Variants in FZD2 observed in about 807,000 individuals in gnomAD.
The protein encoded by FZD2 is frizzled-2.
Under a neutral mutation model 36.7 loss-of-function variants are expected in FZD2, and 17 were observed. The observed-to-expected ratio is 0.46, with a 90% CI of 0.32 to 0.70. The LOEUF is 0.70. Ranked by LOEUF, FZD2 falls within the 30% of genes least tolerant of loss-of-function variation. The pLI is 0.04. For missense variants in FZD2, 525 were observed against 805.6 expected (o/e 0.65, Z 4.22); for synonymous variants, 333 against 359.6 (o/e 0.93, Z 0.84).
At position 44,559,689 on chromosome 17, in the gene FZD2, G is replaced by C. The variant is rs1568105858; in HGVS notation, c.*303G>C. On this transcript the variant is annotated 3_prime_UTR_variant, in exon 1 of 1. Transcript: ENST00000315323. The surrounding 1 kb of genome is among the most constrained non-coding windows in gnomAD (Gnocchi z 4.4). ...TGTGTGTTGGGGAGTGTAGTTGGGG[G>C]GAGGGTTCTCTTTCTTAAGTGCCCT... The C allele has an allele frequency of 5.8e-6, 1 of 173,290 alleles. No individual in the cohort carries two copies. The highest frequency in any genetic ancestry group is 1.2e-5 in the Non-Finnish European group (1 of 83,352). The allele number at this position is 173,290 out of a possible 1,614,324, so 10.7% of individuals were successfully genotyped here.
chr17:44,557,698 C>T lies in FZD2; in HGVS notation c.10C>T (p.Arg4Cys). 1 of 1,462,824 alleles carries T rather than the reference C, an allele frequency of 6.8e-7. No homozygotes were observed. The highest frequency in any genetic ancestry group is 9.0e-7 in the Non-Finnish European group (1 of 1,109,656). 90.6% of individuals were successfully genotyped at this position (1,462,824 alleles called of 1,614,324 possible). Reference protein sequence around the residue: MRPRSALPRLLLPL... With the variant: MRPCSALPRLLLPL... ...GGGGGCGGCGGCCAGCATGCGGCCC[C>T]GCAGCGCCCTGCCCCGCCTGCTGCT... The change falls in exon 1 of 1, where the codon CGC (arginine) becomes TGC (cysteine). Residue 4 changes from arginine to cysteine, a missense_variant. Transcript: ENST00000315323. This position sits in a 1 kb window ranked among gnomAD's most constrained non-coding sequence, Gnocchi z 4.9.
In FZD2 at chr17:44,559,214, A is replaced by C. The variant is rs1970861082; in HGVS notation, c.1526A>C (p.His509Pro). 6.2e-7 allele frequency: 1 copy of C among 1,613,890 alleles called. No individual in the cohort carries two copies. The highest frequency in any genetic ancestry group is 1.7e-5 in the Admixed American group (1 of 60,012). The change falls in exon 1 of 1, where the codon CAC becomes CCC. Residue 509 changes from histidine to proline, a missense_variant. Physicochemically the swap from His to Pro is moderately conservative, Grantham distance 77. Around this residue, in one of 5 missense-constraint regions of FZD2, gnomAD observed 189 missense variants for 298.1 expected, o/e 0.63. Coordinates refer to ENST00000315323, the MANE Select transcript of FZD2 (RefSeq NM_001466.4). The surrounding 1 kb of genome is among the most constrained non-coding windows in gnomAD (Gnocchi z 4.4). Reference sequence around the variant, plus strand: ...AGCCTGGCCATCCCGTGCCCGGCGCACTACACGCCGCGCATGTCGCCCGAC... The same window carrying C: ...AGCCTGGCCATCCCGTGCCCGGCGCCCTACACGCCGCGCATGTCGCCCGAC... ...CKSLAIPCPA[H>P]YTPRMSPDFT...
Position 44,559,425 on chromosome 17 carries a change from CG to C in FZD2, c.*40del. 1 of 1,521,140 alleles carries C rather than the reference CG, an allele frequency of 6.6e-7. No individual in the cohort carries two copies. The highest frequency in any genetic ancestry group is 8.8e-7 in the Non-Finnish European group (1 of 1,137,282). 94.2% of individuals were successfully genotyped at this position (1,521,140 alleles called of 1,614,324 possible). Reference sequence around the variant, plus strand: ...GCCGGAACCGCGCGGCGCTTTCCTCCGCCCGGGGTGGGGCCCCTACAGACTC... The same window carrying C: ...GCCGGAACCGCGCGGCGCTTTCCTCCCCCGGGGTGGGGCCCCTACAGACTC... On this transcript the variant is annotated 3_prime_UTR_variant, in exon 1 of 1. Coordinates refer to ENST00000315323, the MANE Select transcript of FZD2 (RefSeq NM_001466.4). The surrounding 1 kb of genome is among the most constrained non-coding windows in gnomAD (Gnocchi z 4.4).
Position 44,558,904 on chromosome 17 carries a change from C to T in FZD2, c.1216C>T (p.Leu406Phe), listed in dbSNP as rs1419657640. The T allele has an allele frequency of 1.2e-6, 2 of 1,612,762 alleles. No homozygotes were observed. Among genetic ancestry groups the T allele is most frequent in the South Asian group, 1.1e-5 (1 of 90,980 alleles). ...GCTGAGCGGCGTGTGCTTCGTAGGC[C>T]TCAACAGCCTGGACCCGCTGCGGGG... ...DLLSGVCFVG[L>F]NSLDPLRGFV... The change falls in exon 1 of 1, where the codon CTC (leucine) becomes TTC (phenylalanine). Residue 406 changes from leucine to phenylalanine, a missense_variant. By Grantham distance (22) the Leu-to-Phe change is conservative. Around this residue, in one of 5 missense-constraint regions of FZD2, gnomAD observed 189 missense variants for 298.1 expected, o/e 0.63. Coordinates refer to ENST00000315323, the MANE Select transcript of FZD2 (RefSeq NM_001466.4). The surrounding 1 kb of genome is among the most constrained non-coding windows in gnomAD (Gnocchi z 9.3).
chr17:44,558,046 G>C lies in FZD2; in HGVS notation c.358G>C (p.Gly120Arg). 1 of 1,612,322 alleles carries C rather than the reference G, an allele frequency of 6.2e-7. No homozygotes were observed. Among genetic ancestry groups the C allele is most frequent in the Non-Finnish European group, 8.5e-7 (1 of 1,180,004 alleles). The change falls in exon 1 of 1, where the codon GGC becomes CGC. Residue 120 changes from glycine to arginine, a missense_variant. Physicochemically the swap from Gly to Arg is moderately radical, Grantham distance 125. Around this residue, in one of 5 missense-constraint regions of FZD2, gnomAD observed 257 missense variants for 344.4 expected, o/e 0.75. Coordinates refer to ENST00000315323, the MANE Select transcript of FZD2 (RefSeq NM_001466.4). This position sits in a 1 kb window ranked among gnomAD's most constrained non-coding sequence, Gnocchi z 9.3. ...CRSICERARQ[G>R]CEALMNKFGF... is the part of the protein sequence containing the mutation. ...CTCTATCTGTGAGCGCGCGCGCCAG[G>C]GCTGCGAAGCCCTCATGAACAAGTT...
rs1311511997 is a variant in FZD2 at position 44,558,207 on chromosome 17, G to GCCGGGTGCCGGGGGCACC, written c.527_544dup (p.Ala176_Gly181dup). The GCCGGGTGCCGGGGGCACC allele has an allele frequency of 6.9e-7, 1 of 1,439,270 alleles. No individual in the cohort carries two copies. Among genetic ancestry groups the GCCGGGTGCCGGGGGCACC allele is most frequent in the Non-Finnish European group, 9.1e-7 (1 of 1,101,938 alleles). The allele number at this position is 1,439,270 out of a possible 1,614,324, so 89.2% of individuals were successfully genotyped here. Reference sequence around the variant, plus strand: ...CCACCGCGCCGCCGCCGGGACTGCAGCCGGGTGCCGGGGGCACCCCGGGTG... The same window carrying GCCGGGTGCCGGGGGCACC: ...CCACCGCGCCGCCGCCGGGACTGCAGCCGGGTGCCGGGGGCACCCCGGGTGCCGGGGGCACCCCGGGTG... On this transcript the variant is annotated inframe_insertion, in exon 1 of 1. Coordinates refer to ENST00000315323, the MANE Select transcript of FZD2 (RefSeq NM_001466.4). This position sits in a 1 kb window ranked among gnomAD's most constrained non-coding sequence, Gnocchi z 9.3.
In FZD2 at chr17:44,557,804, G is replaced by A; in HGVS notation, c.116G>A (p.Cys39Tyr). Residue 39 changes from cysteine to tyrosine, a missense_variant, in exon 1 of 1, where the codon TGC (cysteine) becomes TAC (tyrosine). By Grantham distance (194) the Cys-to-Tyr change is radical. This residue lies in a region of FZD2 where 29 missense variants were observed against 82.4 expected (regional missense o/e 0.35). Transcript: ENST00000315323. The surrounding 1 kb of genome is among the most constrained non-coding windows in gnomAD (Gnocchi z 4.9). ...ATCTCCATCCCGGACCACGGCTTCTGCCAGCCCATCTCCATCCCGCTGTGC... is the reference window on the plus strand; with the variant it reads ...ATCTCCATCCCGGACCACGGCTTCTACCAGCCCATCTCCATCCCGCTGTGC... ...KGISIPDHGF[C>Y]QPISIPLCTD... 6.2e-7 allele frequency: 1 copy of A among 1,613,936 alleles called. No homozygotes were observed. The highest frequency in any genetic ancestry group is 8.5e-7 in the Non-Finnish European group (1 of 1,179,972).
rs1267469707 is a variant in FZD2, at chr17:44,560,188, T to C, written c.*802T>C. ...CTTCCAGTGGCCCAAAAATGCTTTT[T>C]GAAGTGTGTTTTGAAACAGCCCCCA... On this transcript the variant is annotated 3_prime_UTR_variant, in exon 1 of 1. Coordinates refer to ENST00000315323, the MANE Select transcript of FZD2 (RefSeq NM_001466.4). 6.6e-6 allele frequency among the ~76,000 whole-genome samples: 1 copy of C among 152,172 alleles called. No homozygotes were observed. Among genetic ancestry groups the C allele is most frequent in the Non-Finnish European group, 1.5e-5 (1 of 68,040 alleles).
At position 44,557,633 on chromosome 17, in the gene FZD2, G is replaced by A; in HGVS notation, c.-56G>A. 3 of 1,090,234 alleles carry A rather than the reference G, an allele frequency of 2.8e-6. No individual in the cohort carries two copies. Among genetic ancestry groups the A allele is most frequent in the South Asian group, 3.4e-5 (1 of 29,448 alleles). The allele number at this position is 1,090,234 out of a possible 1,614,324, so 67.5% of individuals were successfully genotyped here. ...GGCGGGGAAGAAGCGCAGTCTCCGG[G>A]TTGGGGGCGGGGGCGGGGGGGGCGC... On this transcript the variant is annotated 5_prime_UTR_variant, in exon 1 of 1. Transcript: ENST00000315323. The surrounding 1 kb of genome is among the most constrained non-coding windows in gnomAD (Gnocchi z 4.9).
Position 44,557,790 on chromosome 17 carries a change from G to A in FZD2, c.102G>A (p.Pro34=). The A allele has an allele frequency of 4.3e-6, 7 of 1,613,726 alleles. No individual in the cohort carries two copies. Among genetic ancestry groups the A allele is most frequent in the Non-Finnish European group, 5.9e-6 (7 of 1,179,956 alleles). ...QFHGEKGISI[P]DHGFCQPISI... ...ACGGGGAGAAGGGCATCTCCATCCC[G>A]GACCACGGCTTCTGCCAGCCCATCT... Residue 34 remains proline (P), a synonymous_variant, in exon 1 of 1, where the codon CCG becomes CCA. Coordinates refer to ENST00000315323, the MANE Select transcript of FZD2 (RefSeq NM_001466.4). This position sits in a 1 kb window ranked among gnomAD's most constrained non-coding sequence, Gnocchi z 4.9.
At position 44,558,183 on chromosome 17, in the gene FZD2, C is replaced by A. The variant is rs776517733; in HGVS notation, c.495C>A (p.Thr165=). The change falls in exon 1 of 1, where the codon ACC becomes ACA. Residue 165 remains threonine, a synonymous_variant. Transcript: ENST00000315323. This position sits in a 1 kb window ranked among gnomAD's most constrained non-coding sequence, Gnocchi z 9.3. ...AGGACGGAGCTCCCGCGCTACTCAC[C>A]ACCGCGCCGCCGCCGGGACTGCAGC... The part of the protein sequence containing the change: ...HSEDGAPALL[T]TAPPPGLQPG... 1 of 1,509,194 alleles carries A rather than the reference C, an allele frequency of 6.6e-7. No homozygotes were observed. The allele number at this position is 1,509,194 out of a possible 1,614,324, so 93.5% of individuals were successfully genotyped here. A position where few individuals can be genotyped will look rare whatever the true frequency, so the allele number is the denominator to read the frequency against.
chr17:44,559,163 G>T lies in FZD2; in HGVS notation c.1475G>T (p.Arg492Leu). 2 of 1,613,906 alleles carry T rather than the reference G, an allele frequency of 1.2e-6. No individual in the cohort carries two copies. Among genetic ancestry groups the T allele is most frequent in the Non-Finnish European group, 1.7e-6 (2 of 1,180,014 alleles). The change falls in exon 1 of 1, where the codon CGC becomes CTC. Residue 492 changes from arginine (R) to leucine (L), a missense_variant. By Grantham distance (102) the Arg-to-Leu change is moderately radical. Coordinates refer to ENST00000315323, the MANE Select transcript of FZD2 (RefSeq NM_001466.4). This position sits in a 1 kb window ranked among gnomAD's most constrained non-coding sequence, Gnocchi z 4.4. ...CAGGCCTTCCGCGAGCACTGGGAGC[G>T]CTCGTGGGTGAGCCAGCACTGCAAG... ...YEQAFREHWE[R>L]SWVSQHCKSL...
In FZD2 at chr17:44,558,913, C is replaced by T; in HGVS notation, c.1225C>T (p.Leu409=). The change falls in exon 1 of 1, where the codon CTG becomes TTG. Residue 409 remains leucine, a synonymous_variant. Coordinates refer to ENST00000315323, the MANE Select transcript of FZD2 (RefSeq NM_001466.4). This position sits in a 1 kb window ranked among gnomAD's most constrained non-coding sequence, Gnocchi z 9.3. ...CGTGTGCTTCGTAGGCCTCAACAGC[C>T]TGGACCCGCTGCGGGGCTTCGTGCT... ...SGVCFVGLNS[L]DPLRGFVLAP... The T allele has an allele frequency of 6.2e-7, 1 of 1,612,990 alleles. No individual in the cohort carries two copies. The highest frequency in any genetic ancestry group is 8.5e-7 in the Non-Finnish European group (1 of 1,179,706).
In FZD2 at chr17:44,558,885, C is replaced by G. The variant is rs2144573603; in HGVS notation, c.1197C>G (p.Ser399Arg). 1 of 1,612,416 alleles carries G rather than the reference C, an allele frequency of 6.2e-7. No individual in the cohort carries two copies. Among genetic ancestry groups the G allele is most frequent in the Non-Finnish European group, 8.5e-7 (1 of 1,179,396 alleles). ...AMGQIDGDLL[S>R]GVCFVGLNSL... is the part of the protein sequence containing the mutation. Reference sequence around the variant, plus strand: ...GCCAGATCGACGGCGACCTGCTGAGCGGCGTGTGCTTCGTAGGCCTCAACA... The same window carrying G: ...GCCAGATCGACGGCGACCTGCTGAGGGGCGTGTGCTTCGTAGGCCTCAACA... The change falls in exon 1 of 1, where the codon AGC (serine) becomes AGG (arginine). Residue 399 changes from serine (S) to arginine (R), a missense_variant. Physicochemically the swap from Ser to Arg is moderately radical, Grantham distance 110 (BLOSUM62 -1). This residue lies in a region of FZD2 where 189 missense variants were observed against 298.1 expected (regional missense o/e 0.63). Coordinates refer to ENST00000315323, the MANE Select transcript of FZD2 (RefSeq NM_001466.4). The surrounding 1 kb of genome is among the most constrained non-coding windows in gnomAD (Gnocchi z 9.3).
chr17:44,560,972 C>CT lies in FZD2; in HGVS notation c.*1587dup, dbSNP rs1970881962. ...CTCGTTATCTGCCTGCCTCGGCCTC[C>CT]TAAAGTGCTGGGATTACAGGAGTGA... On this transcript the variant is annotated 3_prime_UTR_variant, in exon 1 of 1. Transcript: ENST00000315323. Among the ~76,000 whole-genome samples, 1 of 152,180 alleles carries CT rather than the reference C, an allele frequency of 6.6e-6. No homozygotes were observed. The highest frequency in any genetic ancestry group is 1.5e-5 in the Non-Finnish European group (1 of 68,026).
In FZD2 at chr17:44,560,180, A is replaced by G. The variant is rs1970873333; in HGVS notation, c.*794A>G. Among the ~76,000 whole-genome samples the G allele has an allele frequency of 6.6e-6, 1 of 152,138 alleles. No individual in the cohort carries two copies. Among genetic ancestry groups the G allele is most frequent in the Non-Finnish European group, 1.5e-5 (1 of 68,028 alleles). ...ACCAAGTGCTTCCAGTGGCCCAAAA[A>G]TGCTTTTTGAAGTGTGTTTTGAAAC... On this transcript the variant is annotated 3_prime_UTR_variant, in exon 1 of 1. Coordinates refer to ENST00000315323, the MANE Select transcript of FZD2 (RefSeq NM_001466.4).
In FZD2 at chr17:44,558,039, G is replaced by C. The variant is rs769017965; in HGVS notation, c.351G>C (p.Ala117=). ...CGTGCCGCTCTATCTGTGAGCGCGCGCGCCAGGGCTGCGAAGCCCTCATGA... is the reference window on the plus strand; with the variant it reads ...CGTGCCGCTCTATCTGTGAGCGCGCCCGCCAGGGCTGCGAAGCCCTCATGA... ...IPPCRSICER[A]RQGCEALMNK... The change falls in exon 1 of 1, where the codon GCG becomes GCC. Residue 117 remains alanine, a synonymous_variant. Transcript: ENST00000315323. The surrounding 1 kb of genome is among the most constrained non-coding windows in gnomAD (Gnocchi z 9.3). 1 of 1,612,798 alleles carries C rather than the reference G, an allele frequency of 6.2e-7. No homozygotes were observed. The highest frequency in any genetic ancestry group is 1.1e-5 in the South Asian group (1 of 91,082).
Position 44,557,671 on chromosome 17 carries a change from TG to T in FZD2, c.-12del, listed in dbSNP as rs1422847861. ...GCGGGGGGGGCGCCAAGGAGCCGGG[TG>T]GGGGGCGGCGGCCAGCATGCGGCCC... On this transcript the variant is annotated 5_prime_UTR_variant, in exon 1 of 1. Transcript: ENST00000315323. The surrounding 1 kb of genome is among the most constrained non-coding windows in gnomAD (Gnocchi z 4.9). 7 of 1,194,360 alleles carry T rather than the reference TG, an allele frequency of 5.9e-6. No homozygotes were observed. Among genetic ancestry groups the T allele is most frequent in the African/African-American group, 1.6e-5 (1 of 61,724 alleles). 74.0% of individuals were successfully genotyped at this position (1,194,360 alleles called of 1,614,324 possible).
rs781758193 is a variant in FZD2, at chr17:44,559,406, A to T, written c.*20A>T. On this transcript the variant is annotated 3_prime_UTR_variant, in exon 1 of 1. Transcript: ENST00000315323. This position sits in a 1 kb window ranked among gnomAD's most constrained non-coding sequence, Gnocchi z 4.4. ...GTGTGAGGGACGCCCCCAGGCCGGA[A>T]CCGCGCGGCGCTTTCCTCCGCCCGG... 8.3e-6 allele frequency: 13 copies of T among 1,561,322 alleles called. No individual in the cohort carries two copies. The highest frequency in any genetic ancestry group is 1.1e-5 in the Non-Finnish European group (13 of 1,154,536).
Sources: gnomAD v4.1 joint callset for allele counts (sites outside exome capture counted in the v4.1 genomes callset) on GRCh38, gnomAD v4.1.1 for gene constraint, gnomAD v4.1.1 regional missense constraint, Gnocchi (gnomAD v3.1) non-coding constraint, MANE v1.5 for transcripts, NCBI Gene and HGNC (gene_info 2026-07-23, HGNC 2026-07-21) for gene names.